The following PTPRE variants were observed in gnomAD, a reference collection of about 807,000 sequenced individuals.
PTPRE encodes protein tyrosine phosphatase receptor type E.
In PTPRE, 51 loss-of-function variants were observed where a neutral mutation model predicts 102.0. That is an observed-to-expected ratio of 0.50 (90% CI 0.40 to 0.63). PTPRE has a LOEUF of 0.63. Ranked by LOEUF, PTPRE falls within the 30% of genes least tolerant of loss-of-function variation. The pLI is 0.00. For synonymous variants in PTPRE, 345 were observed against 348.2 expected (o/e 0.99, Z 0.10); for missense variants, 752 against 915.1 (o/e 0.82, Z 2.30).
intron 19 of PTPRE, among the ~76,000 whole-genome samples, chr10:128,078,440 C>A (rs1851418003): frequency 2.0e-5 from 3 of 152,386 alleles, no homozygotes; most frequent in South Asian, 4.1e-4. Context: ...CTGCTGCACA[C>A]TTCTGCTGGC....
In PTPRE at chr10:128,070,899, C is replaced by A; in HGVS notation, c.1385C>A (p.Pro462Gln). 1 of 1,613,302 alleles carries A rather than the reference C, an allele frequency of 6.2e-7. No homozygotes were observed. The highest frequency in any genetic ancestry group is 8.5e-7 in the Non-Finnish European group (1 of 1,179,250). ...AAGGCCAGGGTCATCCAGATCATCC[C>A]GTGTAAGGCACCCGTGGCGTGGCTT... ...MKKARVIQII[P>Q]YDFNRVILSM... The change falls in exon 15 of 21, where the codon CCG (proline) becomes CAG (glutamine). Residue 462 changes from proline to glutamine, a missense_variant and splice_region_variant. Pro to Gln is a moderately conservative substitution (Grantham distance 76). This residue lies in a region of PTPRE where 636 missense variants were observed against 824.4 expected (regional missense o/e 0.77). Transcript: ENST00000254667. The surrounding 1 kb of genome is among the most constrained non-coding windows in gnomAD (Gnocchi z 4.8).
At chr10:127,992,788 T>C (rs1248824678) in intron 2 of PTPRE, among the ~76,000 whole-genome samples, 1 of 152,322 alleles carries the variant, frequency 6.6e-6, no homozygotes, top group East Asian at 1.9e-4. Flanking sequence ...CTAAGTATCA[T>C]GCAACAAATC....
At chr10:127,939,993 T>G (rs1172782205) in intron 1 of PTPRE, among the ~76,000 whole-genome samples, 20 of 121,524 alleles carry the variant, frequency 1.6e-4, no homozygotes, top group South Asian at 5.5e-4. Flanking sequence ...GAGGCAGGAA[T>G]AGACAGGAAG....
intron 1 of PTPRE, among the ~76,000 whole-genome samples, chr10:127,951,953 G>A (rs987174661): frequency 1.3e-5 from 2 of 152,196 alleles, no homozygotes; most frequent in African/African-American, 4.8e-5. Flanking sequence ...CATTGCTTGA[G>A]GAAATTAACA....
chr10:127,930,059 C>A (rs1285214959), intron 1 of PTPRE, among the ~76,000 whole-genome samples: 1 of 114,042 alleles, frequency 8.8e-6, no homozygotes, highest in Non-Finnish European at 1.8e-5. Context: ...CAGATTCCAT[C>A]TCAAAAAAAA....
intron 2 of PTPRE, among the ~76,000 whole-genome samples, chr10:127,986,289 G>T (rs1852086056): frequency 6.6e-6 from 1 of 152,160 alleles, no homozygotes; most frequent in African/African-American, 2.4e-5. Flanking sequence ...TCCTTCAACT[G>T]GAGAAAGCTT....
At chr10:127,928,675 C>T (rs959033093) in intron 1 of PTPRE, among the ~76,000 whole-genome samples, 3 of 152,200 alleles carry the variant, frequency 2.0e-5, no homozygotes, top group South Asian at 2.1e-4. Flanking sequence ...CAGCAAACAT[C>T]GTACTGTGGG....
chr10:127,941,847 G>A (rs898293333), intron 1 of PTPRE, among the ~76,000 whole-genome samples: 2 of 151,188 alleles, frequency 1.3e-5, no homozygotes, highest in African/African-American at 2.4e-5. Flanking sequence ...CACAAACCCC[G>A]AATCCCTCAC....
chr10:128,022,574 G>C (rs1381166230), intron 2 of PTPRE, among the ~76,000 whole-genome samples: 1 of 152,216 alleles, frequency 6.6e-6, no homozygotes, highest in Non-Finnish European at 1.5e-5. Context: ...TTTCACTGGT[G>C]CTGCTGCTCT....
intron 2 of PTPRE, chr10:127,987,457 A>C: frequency 1.3e-6 from 1 of 791,008 alleles, no homozygotes; most frequent in Non-Finnish European, 1.8e-6. Context: ...GTTGCTTCTA[A>C]TATAATTTCT....
In PTPRE at chr10:128,063,098, C is replaced by T. The variant is rs771856559; in HGVS notation, c.641C>T (p.Thr214Met). 13 of 1,614,096 alleles carry T rather than the reference C, an allele frequency of 8.1e-6. No individual in the cohort carries two copies. The highest frequency in any genetic ancestry group is 4.0e-5 in the African/African-American group (3 of 74,938). The change falls in exon 10 of 21, where the codon ACG becomes ATG. Residue 214 changes from threonine (T) to methionine (M), a missense_variant. Thr to Met is a moderately conservative substitution (Grantham distance 81). Around this residue, in one of 2 missense-constraint regions of PTPRE, gnomAD observed 636 missense variants for 824.4 expected, o/e 0.77. Coordinates refer to ENST00000254667, the MANE Select transcript of PTPRE (RefSeq NM_006504.6). ...FIAAQGPKQE[T>M]VNDFWRMVWE... Reference sequence around the variant, plus strand: ...CTACACACAGGTCCCAAACAGGAAACGGTTAACGACTTCTGGAGAATGGTC... The same window carrying T: ...CTACACACAGGTCCCAAACAGGAAATGGTTAACGACTTCTGGAGAATGGTC...
chr10:128,076,480 G>GTTTT, intron 17 of PTPRE, 123 bp from the exon 18 acceptor site: 14 of 797,792 alleles, frequency 1.8e-5, no homozygotes, highest in Admixed American at 3.7e-5. Context: ...ATATTCATAT[G>GTTTT]TTTTTTTTTT....
chr10:128,070,455 G>A lies in PTPRE; in HGVS notation c.1293+5G>A, dbSNP rs754800784. 1.2e-6 allele frequency: 2 copies of A among 1,612,044 alleles called. No individual in the cohort carries two copies. The highest frequency in any genetic ancestry group is 1.7e-6 in the Non-Finnish European group (2 of 1,179,226). ...GGGCTGGAGGAGGAGTTCAGGGTGAGTACAGCTGACCCTCCTCTCCATCCT... is the reference window on the plus strand; with the variant it reads ...GGGCTGGAGGAGGAGTTCAGGGTGAATACAGCTGACCCTCCTCTCCATCCT... On this transcript the variant is annotated splice_donor_5th_base_variant and intron_variant, in intron 14 of 20. Transcript: ENST00000254667. This position sits in a 1 kb window ranked among gnomAD's most constrained non-coding sequence, Gnocchi z 4.8.
intron 1 of PTPRE, among the ~76,000 whole-genome samples, chr10:127,912,582 C>A (rs1845937427): frequency 6.6e-6 from 1 of 152,138 alleles, no homozygotes; most frequent in Non-Finnish European, 1.5e-5. Flanking sequence ...TGGGCAGGTG[C>A]TTTGATGTTA....
At chr10:127,972,722 G>A (rs887509091) in intron 1 of PTPRE, among the ~76,000 whole-genome samples, 1 of 152,200 alleles carries the variant, frequency 6.6e-6, no homozygotes, top group Non-Finnish European at 1.5e-5. Context: ...CACCCAGTGG[G>A]CAGGGATCTG....
chr10:128,070,867 C>T lies in PTPRE; in HGVS notation c.1353C>T (p.Asn451=). Residue 451 remains asparagine, a synonymous_variant, in exon 15 of 21, where the codon AAC becomes AAT. Coordinates refer to ENST00000254667, the MANE Select transcript of PTPRE (RefSeq NM_006504.6). This position sits in a 1 kb window ranked among gnomAD's most constrained non-coding sequence, Gnocchi z 4.8. ...ENMRTGNLPA[N]MKKARVIQII... ...TGAGGACGGGCAACTTGCCGGCAAA[C>T]ATGAAGAAGGCCAGGGTCATCCAGA... 1 of 1,614,182 alleles carries T rather than the reference C, an allele frequency of 6.2e-7. No homozygotes were observed.
chr10:127,939,756 G>T (rs145050123), intron 1 of PTPRE, among the ~76,000 whole-genome samples: 10 of 152,160 alleles, frequency 6.6e-5, no homozygotes, highest in Middle Eastern at 6.8e-3. Context: ...GGAAGGAGAG[G>T]CAGGAGGAGG....
chr10:127,922,855 C>T (rs1276785814), intron 1 of PTPRE, among the ~76,000 whole-genome samples: 2 of 152,250 alleles, frequency 1.3e-5, no homozygotes, highest in African/African-American at 4.8e-5. Context: ...TCCCCCTCTG[C>T]CCTCTCTGGC....
rs189544519 is a variant in PTPRE at position 127,948,675 on chromosome 10, A to G, written c.-30-33599A>G. Among the ~76,000 whole-genome samples, 308 of 152,282 alleles carry G rather than the reference A, an allele frequency of 2.0e-3. 1 individual carries two copies. Among genetic ancestry groups the G allele is most frequent in the Non-Finnish European group, 3.4e-3 (234 of 68,024 alleles). On this transcript the variant is annotated intron_variant, in intron 1 of 20. Coordinates refer to ENST00000254667, the MANE Select transcript of PTPRE (RefSeq NM_006504.6). ...ATTTAAGGTTCTTCCCAGGCTTTTC[A>G]TGAGTTGATAGTTCATTTCCTTTTA...
Sources: gnomAD v4.1 joint callset for allele counts (sites outside exome capture counted in the v4.1 genomes callset) on GRCh38, gnomAD v4.1.1 for gene constraint, gnomAD v4.1.1 regional missense constraint, Gnocchi (gnomAD v3.1) non-coding constraint, MANE v1.5 for transcripts, NCBI Gene and HGNC (gene_info 2026-07-23, HGNC 2026-07-21) for gene names.